TMEM117: variants seen among roughly 807,000 people sequenced by gnomAD.
TMEM117 encodes transmembrane protein 117.
In TMEM117, 27 loss-of-function variants were observed where a neutral mutation model predicts 52.4. The ratio of observed to expected loss-of-function variants is 0.51; its 90% CI spans 0.38 to 0.71. The LOEUF is 0.71. TMEM117 is among the 30% of genes least tolerant of loss of function. The pLI is 0.00. For missense variants in TMEM117, 556 were observed against 630.5 expected (o/e 0.88, Z 1.26); for synonymous variants, 215 against 206.3 (o/e 1.04, Z -0.36).
chr12:44,021,624 T>C (rs1946457258), intron 3 of TMEM117, among the ~76,000 whole-genome samples: 1 of 152,206 alleles, frequency 6.6e-6, no homozygotes, highest in African/African-American at 2.4e-5. Flanking sequence ...TTTACATAGC[T>C]TGTGAATCTG....
chr12:44,115,898 A>ACGAT (rs1948134206), intron 3 of TMEM117, among the ~76,000 whole-genome samples: 1 of 152,218 alleles, frequency 6.6e-6, no homozygotes, highest in African/African-American at 2.4e-5. Flanking sequence ...TACTAGAAAC[A>ACGAT]CGATCGTGTC....
chr12:44,136,474 A>T (rs879635142), intron 3 of TMEM117, among the ~76,000 whole-genome samples: 5 of 152,118 alleles, frequency 3.3e-5, no homozygotes, highest in African/African-American at 1.2e-4. Context: ...TTGTTTTTTA[A>T]CCTTATAGAC....
At chr12:44,322,293 A>G (rs1041044638) in intron 6 of TMEM117, among the ~76,000 whole-genome samples, 1 of 152,158 alleles carries the variant, frequency 6.6e-6, no homozygotes, top group Non-Finnish European at 1.5e-5. Context: ...TCCTTAGGTC[A>G]TAAAGTGTGT....
chr12:43,882,292 T>G (rs2137453802), intron 2 of TMEM117, among the ~76,000 whole-genome samples: 1 of 151,242 alleles, frequency 6.6e-6, no homozygotes, highest in African/African-American at 2.4e-5. Context: ...AAACCACGTC[T>G]CTACTAAAAA....
At chr12:43,830,196 T>C in the TMEM117 span, among the ~76,000 whole-genome samples, 1 of 152,054 alleles carries the variant, frequency 6.6e-6, no homozygotes, top group South Asian at 2.1e-4. Context: ...ATATAGATTC[T>C]GCAGGACAGC....
chr12:44,336,475 A>C (rs754146753), intron 6 of TMEM117, among the ~76,000 whole-genome samples: 5 of 152,018 alleles, frequency 3.3e-5, no homozygotes, highest in Non-Finnish European at 7.4e-5. Context: ...TAACCCATTC[A>C]GTTTTCCAAC....
chr12:44,189,066 A>C (rs1949317788), intron 4 of TMEM117, among the ~76,000 whole-genome samples: 1 of 152,136 alleles, frequency 6.6e-6, no homozygotes, highest in Non-Finnish European at 1.5e-5. Flanking sequence ...TTATGCTAGG[A>C]ATATTTGAAT....
At chr12:44,216,542 G>T (rs1474489249) in intron 5 of TMEM117, among the ~76,000 whole-genome samples, 2 of 152,158 alleles carry the variant, frequency 1.3e-5, no homozygotes, top group African/African-American at 2.4e-5. Context: ...TGCCATAACG[G>T]AAAGCTGAAA....
intron 3 of TMEM117, among the ~76,000 whole-genome samples, chr12:43,974,168 GATTT>G (rs2137700066): frequency 6.6e-6 from 1 of 152,252 alleles, no homozygotes; most frequent in South Asian, 2.1e-4. Flanking sequence ...GTTCTGGAAA[GATTT>G]ATTTGTTTCA....
the TMEM117 span, chr12:43,798,534 A>G: frequency 6.7e-7 from 1 of 1,497,492 alleles, no homozygotes; most frequent in Non-Finnish European, 8.8e-7. Flanking sequence ...TTGGTTAATG[A>G]AAACATCATA....
intron 5 of TMEM117, among the ~76,000 whole-genome samples, chr12:44,239,335 T>G (rs186506367): frequency 6.6e-6 from 1 of 152,274 alleles, no homozygotes; most frequent in East Asian, 1.9e-4. Flanking sequence ...TATTTGTTAC[T>G]TTTTGGGAAT....
At chr12:43,947,894 C>A (rs762607476) in intron 3 of TMEM117, among the ~76,000 whole-genome samples, 1 of 152,096 alleles carries the variant, frequency 6.6e-6, no homozygotes, top group Non-Finnish European at 1.5e-5. Context: ...AAGGAGTTTT[C>A]TTAGACTGGT....
At chr12:44,298,229 A>C (rs1425967093) in intron 5 of TMEM117, among the ~76,000 whole-genome samples, 3 of 150,782 alleles carry the variant, frequency 2.0e-5, no homozygotes, top group Non-Finnish European at 4.4e-5. Context: ...AATTCTATGA[A>C]GATTCATATT....
chr12:44,216,005 C>CTTTTTTTTTTTTTTTT (rs778425747), intron 5 of TMEM117, among the ~76,000 whole-genome samples: 24 of 110,830 alleles, frequency 2.2e-4, no homozygotes, highest in East Asian at 4.9e-4. Flanking sequence ...TTCTTTCTTT[C>CTTTTTTTTTTTTTTTT]TTTTTTTTTT....
At chr12:44,392,499 A>G (rs887975958), downstream of TMEM117, among the ~76,000 whole-genome samples, 6 of 152,050 alleles carry the variant, frequency 3.9e-5, no homozygotes, top group Non-Finnish European at 7.4e-5. Context: ...TTGGTTGGTT[A>G]GTTGTTTTGC....
intron 2 of TMEM117, among the ~76,000 whole-genome samples, chr12:43,863,644 T>G (rs1313843542): frequency 6.6e-6 from 1 of 152,236 alleles, no homozygotes; most frequent in Non-Finnish European, 1.5e-5. Flanking sequence ...CCTTTAATTC[T>G]TAACTGGCCC....
At chr12:43,925,756 T>C (rs560427784) in intron 2 of TMEM117, among the ~76,000 whole-genome samples, 1 of 152,300 alleles carries the variant, frequency 6.6e-6, no homozygotes, top group South Asian at 2.1e-4. Flanking sequence ...TAGTACAAGA[T>C]AGTGTGCTTC....
At chr12:43,933,300 A>G (rs933262194) in intron 2 of TMEM117, among the ~76,000 whole-genome samples, 24 of 151,254 alleles carry the variant, frequency 1.6e-4, no homozygotes, top group Admixed American at 9.9e-4. Flanking sequence ...CCCAGGGTTC[A>G]CGCCATTCTC....
intron 3 of TMEM117, among the ~76,000 whole-genome samples, chr12:44,024,897 T>G (rs1355153579): frequency 1.3e-5 from 2 of 151,696 alleles, no homozygotes; most frequent in Non-Finnish European, 2.9e-5. Flanking sequence ...TACATACATA[T>G]AAGTACATAT....
Sources: allele counts gnomAD v4.1 joint callset (sites outside exome capture counted in the v4.1 genomes callset), GRCh38; gene constraint gnomAD v4.1.1; transcripts MANE v1.5; gene names NCBI Gene and HGNC (gene_info 2026-07-23, HGNC 2026-07-21).